CPSF1: variants seen among roughly 807,000 people sequenced by gnomAD.
CPSF1 encodes the protein cleavage and polyadenylation specificity factor subunit 1.
Under a neutral mutation model 175.8 loss-of-function variants are expected in CPSF1, and 106 were observed. That is an observed-to-expected ratio of 0.60 (90% confidence interval 0.52 to 0.71). The LOEUF (loss-of-function observed/expected upper bound fraction) is 0.71. Ranked by LOEUF, CPSF1 falls within the 30% of genes least tolerant of loss-of-function variation. The probability of loss-of-function intolerance (pLI) is 0.00; values close to 1 mark genes in which losing one functional copy is unlikely to be tolerated. For missense variants in CPSF1, 1,734 were observed against 2,022.9 expected (o/e 0.86, Z 2.74); for synonymous variants, 1,024 against 858.3 (o/e 1.19, Z -3.37).
rs782725185 is a variant in CPSF1 at position 144,396,701 on chromosome 8, G to A, written c.2723C>T (p.Pro908Leu). 1.2e-6 allele frequency: 2 copies of A among 1,613,954 alleles called. No homozygotes were observed. The highest frequency in any genetic ancestry group is 1.3e-5 in the African/African-American group (1 of 75,060). The change falls in exon 25 of 38, where the codon CCA becomes CTA. Residue 908 changes from proline to leucine, a missense_variant. Pro to Leu is a moderately conservative substitution (Grantham distance 98). Coordinates refer to ENST00000616140, the MANE Select transcript of CPSF1 (RefSeq NM_013291.3). Reference protein sequence around the residue: ...NINFREKKPKPSKKKAEGGGA... With the variant: ...NINFREKKPKLSKKKAEGGGA... ...GCCACCTTCTGCTTTCTTCTTGGAT[G>A]GCTTTGGCTTCTTCTCACGGAAGTT...
Position 144,395,246 on chromosome 8 carries a change from A to C in CPSF1, c.3187+19T>G. The C allele has an allele frequency of 6.2e-7, 1 of 1,612,832 alleles. No homozygotes were observed. The highest frequency in any genetic ancestry group is 1.1e-5 in the South Asian group (1 of 90,966). On this transcript the variant is annotated intron_variant, in intron 28 of 37. Coordinates refer to ENST00000616140, the MANE Select transcript of CPSF1 (RefSeq NM_013291.3). ...CCAAGATGCGGCTGAGGATGGGAGT[A>C]TGGTGTGGGCGTCACCACCTCTCTC...
rs1381624076 is a variant in CPSF1 at position 144,395,483 on chromosome 8, G to A, written c.3048C>T (p.Ile1016=). The A allele has an allele frequency of 6.3e-7, 1 of 1,595,518 alleles. No individual in the cohort carries two copies. Among genetic ancestry groups the A allele is most frequent in the Admixed American group, 1.7e-5 (1 of 59,272 alleles). The change falls in exon 27 of 38, where the codon ATC becomes ATT. Residue 1016 remains isoleucine (I), a synonymous_variant. Coordinates refer to ENST00000616140, the MANE Select transcript of CPSF1 (RefSeq NM_013291.3). ...SYDAPWPVRK[I]PLRCTAHYVA... ...CATAGTGGGCCGTGCAGCGCAGCGGGATCTTCCTGACAGGCCATGGGGCAT... is the reference window on the plus strand; with the variant it reads ...CATAGTGGGCCGTGCAGCGCAGCGGAATCTTCCTGACAGGCCATGGGGCAT...
intron 26 of CPSF1, chr8:144,396,051 C>G (rs1171481606): frequency 2.1e-6 from 1 of 472,944 alleles, no homozygotes; most frequent in African/African-American, 1.9e-5. Flanking sequence ...AGCTAGCACT[C>G]ACGTCAGCTC....
chr8:144,402,773 A>AC (rs1156643327), intron 2 of CPSF1, among the ~76,000 whole-genome samples: 25 of 152,060 alleles, frequency 1.6e-4, no homozygotes, highest in African/African-American at 5.6e-4. Context: ...TTAAAAAAAA[A>AC]ACACACACCC....
At chr8:144,400,579 C>T in intron 7 of CPSF1, 86 bp from the exon 8 acceptor site, 1 of 1,604,776 alleles carries the variant, frequency 6.2e-7, no homozygotes, top group South Asian at 1.1e-5. Flanking sequence ...CCACCACACC[C>T]CATAGGCCCC....
At position 144,394,223 on chromosome 8, in the gene CPSF1, T is replaced by G; in HGVS notation, c.3811+11A>C. 7 of 1,608,452 alleles carry G rather than the reference T, an allele frequency of 4.4e-6. No individual in the cohort carries two copies. The highest frequency in any genetic ancestry group is 5.9e-6 in the Non-Finnish European group (7 of 1,177,520). On this transcript the variant is annotated intron_variant, in intron 33 of 37. Transcript: ENST00000616140. ...CCAGAGCCTCAGCTCCCCAGGGCCC[T>G]GCCCACATACCCAGAAAACCCAGCT... is the stretch of plus-strand genomic sequence containing the variant.
chr8:144,395,232 C>T, intron 28 of CPSF1, 33 bp downstream of exon 28: 1 of 1,612,908 alleles, frequency 6.2e-7, no homozygotes, highest in Non-Finnish European at 8.5e-7. Flanking sequence ...CAAGATGCGG[C>T]TGAGGATGGG....
chr8:144,400,385 G>A lies in CPSF1; in HGVS notation c.795C>T (p.Cys265=). ...IWSLTSLPFD[C]TQALAVPKPI... ...GCTTGGGCACAGCCAGAGCCTGGGT[G>A]CAGTCAAAGGGCAGGCTGGTGAGGG... The change falls in exon 8 of 38, where the codon TGC becomes TGT. Residue 265 remains cysteine, a synonymous_variant. Coordinates refer to ENST00000616140, the MANE Select transcript of CPSF1 (RefSeq NM_013291.3). The A allele has an allele frequency of 1.2e-6, 2 of 1,613,928 alleles. No individual in the cohort carries two copies. The highest frequency in any genetic ancestry group is 1.7e-6 in the Non-Finnish European group (2 of 1,179,984).
intron 2 of CPSF1, among the ~76,000 whole-genome samples, chr8:144,403,303 A>C (rs1356646724): frequency 3.3e-5 from 5 of 152,002 alleles, no homozygotes; most frequent in Non-Finnish European, 7.4e-5. Context: ...TGCCATGGCC[A>C]GGCTGGTCTT....
chr8:144,407,569 C>T (rs1821562885), intron 2 of CPSF1, among the ~76,000 whole-genome samples: 1 of 152,094 alleles, frequency 6.6e-6, no homozygotes, highest in Non-Finnish European at 1.5e-5. Context: ...CACCTGTAAT[C>T]CCAGCTACTT....
rs1412506860 is a variant in CPSF1, at chr8:144,397,050, G to A, written c.2593-121C>T. The A allele has an allele frequency of 7.8e-6, 7 of 902,466 alleles. No individual in the cohort carries two copies. In the East Asian group the frequency reaches 8.0e-5, roughly 10 times the overall value. 55.9% of individuals were successfully genotyped at this position (902,466 alleles called of 1,614,324 possible). ...CTGAGATGGGGTGGAGCCATGTATG[G>A]GAAGGGGCGGGGCTGTGAGGGAGAT... On this transcript the variant is annotated intron_variant, in intron 23 of 37. Transcript: ENST00000616140.
chr8:144,406,387 C>T (rs1446412524), intron 2 of CPSF1, among the ~76,000 whole-genome samples: 1 of 152,192 alleles, frequency 6.6e-6, no homozygotes, highest in African/African-American at 2.4e-5. Context: ...AGCGTGGGAC[C>T]CAGTGTCGAG....
intron 26 of CPSF1, 139 bp from the exon 27 acceptor site, chr8:144,395,690 C>G (rs985604549): frequency 1.4e-6 from 1 of 699,132 alleles, no homozygotes; most frequent in African/African-American, 1.8e-5. Context: ...TGTGTCCTGG[C>G]GAGGTCCTGG....
Position 144,397,950 on chromosome 8 carries a change from C to T in CPSF1, c.2073+4G>A. ...AGGAGGGCGCCGGGAATGAGGGGGC[C>T]TACATGGTGCAGCGGGGGCTTGTGC... On this transcript the variant is annotated splice_donor_region_variant and intron_variant, in intron 20 of 37. Coordinates refer to ENST00000616140, the MANE Select transcript of CPSF1 (RefSeq NM_013291.3). 6.2e-7 allele frequency: 1 copy of T among 1,605,514 alleles called. No homozygotes were observed. The highest frequency in any genetic ancestry group is 1.1e-5 in the South Asian group (1 of 90,834).
Position 144,400,673 on chromosome 8 carries a change from A to G in CPSF1, c.684T>C (p.Pro228=), listed in dbSNP as rs1821150928. The G allele has an allele frequency of 1.2e-6, 2 of 1,606,092 alleles. No homozygotes were observed. The highest frequency in any genetic ancestry group is 2.7e-5 in the African/African-American group (2 of 74,862). The change falls in exon 7 of 38, where the codon CCT becomes CCC. Residue 228 remains proline, a splice_region_variant and synonymous_variant. Transcript: ENST00000616140. ...AGGGGCCTCCTTAGGGGGCTCACCCAGGCCAGGTCTGGTTGGGCTCAAACA... is the reference window on the plus strand; with the variant it reads ...AGGGGCCTCCTTAGGGGGCTCACCCGGGCCAGGTCTGGTTGGGCTCAAACA... ...LILFEPNQTW[P]GRVAVRQDTC...
At chr8:144,396,095 G>A in intron 26 of CPSF1, 1 of 547,430 alleles carries the variant, frequency 1.8e-6, no homozygotes, top group Non-Finnish European at 3.3e-6. Flanking sequence ...CCCTGCGAGG[G>A]CTTGCCCGGC....
Position 144,400,099 on chromosome 8 carries a change from G to C in CPSF1, c.938-14C>G. The C allele has an allele frequency of 6.2e-7, 1 of 1,603,248 alleles. No individual in the cohort carries two copies. The highest frequency in any genetic ancestry group is 2.2e-5 in the East Asian group (1 of 44,574). On this transcript the variant is annotated splice_polypyrimidine_tract_variant and intron_variant, in intron 9 of 37. Transcript: ENST00000616140. ...CCTCCTGGGTGCCTGTGGGGTGGGT[G>C]GTCAGGCCGACTAGGCAGGCCCAAG... is the stretch of plus-strand genomic sequence containing the variant.
At chr8:144,393,826 T>C (rs369753373) in intron 35 of CPSF1, 30 bp from the exon 36 acceptor site, 391 of 1,600,888 alleles carry the variant, frequency 2.4e-4, no homozygotes, top group Non-Finnish European at 3.2e-4. Context: ...GGTTTTGGTG[T>C]GAGCCAGGCC....
Position 144,399,528 on chromosome 8 carries a change from T to G in CPSF1, c.1243-25A>C. On this transcript the variant is annotated intron_variant, in intron 12 of 37. Transcript: ENST00000616140. The surrounding 1 kb of genome is among the most constrained non-coding windows in gnomAD (Gnocchi z 6.4). The stretch of plus-strand genomic sequence containing the variant: ...CCTGTGAGGCAGGAGGGGCACTGAG[T>G]GGCATGCCACAGCAGTGCCCACATG... 1.2e-6 allele frequency: 2 copies of G among 1,612,246 alleles called. No individual in the cohort carries two copies. Among genetic ancestry groups the G allele is most frequent in the Non-Finnish European group, 1.7e-6 (2 of 1,179,600 alleles).
Sources: allele counts gnomAD v4.1 joint callset (sites outside exome capture counted in the v4.1 genomes callset), GRCh38; gene constraint gnomAD v4.1.1; non-coding constraint Gnocchi (gnomAD v3.1); transcripts MANE v1.5; gene names NCBI Gene and HGNC (gene_info 2026-07-23, HGNC 2026-07-21).